Variants in MCU observed in about 807,000 individuals in gnomAD.
The protein encoded by MCU is calcium uniporter protein, mitochondrial.
In MCU, 12 loss-of-function variants were observed where a neutral mutation model predicts 45.2. The observed-to-expected ratio is 0.27, with a 90% CI of 0.17 to 0.43. The LOEUF is 0.43. Ranked by LOEUF, MCU falls within the 20% of genes least tolerant of loss-of-function variation. The probability of loss-of-function intolerance (pLI) is 1.00; values close to 1 mark genes in which losing one functional copy is unlikely to be tolerated. For synonymous variants in MCU, 160 were observed against 165.1 expected (o/e 0.97, Z 0.24); for missense variants, 324 against 436.7 (o/e 0.74, Z 2.30).
chr10:72,881,887 C>A (rs575038346), intron 6 of MCU, among the ~76,000 whole-genome samples: 5 of 152,124 alleles, frequency 3.3e-5, no homozygotes, highest in African/African-American at 1.2e-4. Context: ...ATAGCCCCAA[C>A]GTGGAAACAA....
intron 1 of MCU, among the ~76,000 whole-genome samples, chr10:72,759,181 C>T (rs535847473): frequency 2.6e-5 from 4 of 152,250 alleles, no homozygotes; most frequent in South Asian, 2.1e-4. Flanking sequence ...ACTCCTGTCT[C>T]GAGAGCCTAG....
chr10:72,738,346 T>G (rs1463462098), intron 1 of MCU, among the ~76,000 whole-genome samples: 1 of 152,132 alleles, frequency 6.6e-6, no homozygotes, highest in Admixed American at 6.6e-5. Context: ...AGCAATAAAG[T>G]AAGTATATCC....
chr10:72,850,541 A>T (rs1226679186), intron 2 of MCU, among the ~76,000 whole-genome samples: 1 of 152,236 alleles, frequency 6.6e-6, no homozygotes, highest in Non-Finnish European at 1.5e-5. Flanking sequence ...ACAAGCATTT[A>T]AAAAATATTT....
chr10:72,697,777 T>C (rs529966109), intron 1 of MCU, among the ~76,000 whole-genome samples: 13 of 152,026 alleles, frequency 8.6e-5, no homozygotes, highest in Non-Finnish European at 1.8e-4. Context: ...TTTTATTTTT[T>C]ATTGTTTTGA....
chr10:72,834,015 C>T (rs1844917814), intron 1 of MCU, among the ~76,000 whole-genome samples: 1 of 152,158 alleles, frequency 6.6e-6, no homozygotes, highest in Non-Finnish European at 1.5e-5. Context: ...AGAAAGTTTA[C>T]TTGAGGCCTG....
Position 72,887,288 on chromosome 10 carries a change from A to G in MCU, c.*1466A>G, listed in dbSNP as rs903768204. ...ACTCCAGGTGCCTTGCAAAGGTTGA[A>G]GGCCAGCCAGGATTGCTGCTGCTGC... is the stretch of plus-strand genomic sequence containing the variant. On this transcript the variant is annotated 3_prime_UTR_variant, in exon 8 of 8. Coordinates refer to ENST00000373053, the MANE Select transcript of MCU (RefSeq NM_138357.3). 2 of 152,798 alleles carry G rather than the reference A, an allele frequency of 1.3e-5. No individual in the cohort carries two copies. Among genetic ancestry groups the G allele is most frequent in the Non-Finnish European group, 2.9e-5 (2 of 68,056 alleles). 9.5% of individuals were successfully genotyped at this position (152,798 alleles called of 1,614,324 possible). A position where few individuals can be genotyped will look rare whatever the true frequency, so the allele number is the denominator to read the frequency against.
At chr10:72,807,470 G>T (rs1844469849) in intron 1 of MCU, among the ~76,000 whole-genome samples, 1 of 151,974 alleles carries the variant, frequency 6.6e-6, no homozygotes, top group African/African-American at 2.4e-5. Flanking sequence ...AGTTCAATGA[G>T]TTCTTTTTTT....
At position 72,692,270 on chromosome 10, in the gene MCU, GC is replaced by G; in HGVS notation, c.121del (p.Arg41AlafsTer45). ...TAGCFPGLGVSRHRQQQHHRT... is the reference protein window; with the variant it reads ...TAGCFPGLGVXRHRQQQHHRT... ...GGCTGCTTCCCTGGGCTGGGCGTCA[GC>G]CGCCACCGGCAGCAGCAGCACCACC... On this transcript the variant is annotated frameshift_variant, in exon 1 of 8. Transcript: ENST00000373053. LOFTEE classifies it high-confidence loss of function. 8.1e-7 allele frequency: 1 copy of G among 1,229,510 alleles called. No individual in the cohort carries two copies. Among genetic ancestry groups the G allele is most frequent in the Non-Finnish European group, 1.0e-6 (1 of 983,758 alleles). The allele number at this position is 1,229,510 out of a possible 1,614,324, so 76.2% of individuals were successfully genotyped here. A position where few individuals can be genotyped will look rare whatever the true frequency, so the allele number is the denominator to read the frequency against.
intron 1 of MCU, among the ~76,000 whole-genome samples, chr10:72,754,264 T>C (rs968925079): frequency 1.3e-5 from 2 of 152,200 alleles, no homozygotes; most frequent in African/African-American, 4.8e-5. Flanking sequence ...CTTTGTACTG[T>C]GCACAAACTG....
intron 1 of MCU, among the ~76,000 whole-genome samples, chr10:72,737,337 AATT>A (rs1374372710): frequency 2.0e-5 from 3 of 152,224 alleles, no homozygotes; most frequent in Non-Finnish European, 4.4e-5. Flanking sequence ...TGTTTCAAAA[AATT>A]ATTATTCTGT....
intron 1 of MCU, among the ~76,000 whole-genome samples, chr10:72,793,335 A>C (rs1467893261): frequency 6.6e-6 from 1 of 152,166 alleles, no homozygotes; most frequent in South Asian, 2.1e-4. Flanking sequence ...AGAGAGAGCA[A>C]CCAACAAAAG....
At chr10:72,837,482 A>G (rs141208661) in intron 2 of MCU, among the ~76,000 whole-genome samples, 1 of 152,304 alleles carries the variant, frequency 6.6e-6, no homozygotes, top group Admixed American at 6.5e-5. Flanking sequence ...CCGGTAAGTA[A>G]TAAGTCAAAG....
chr10:72,805,153 TTCTTTCTGTC>T (rs1202566994), intron 1 of MCU, among the ~76,000 whole-genome samples: 3 of 129,632 alleles, frequency 2.3e-5, no homozygotes, highest in Admixed American at 7.5e-5. Context: ...CTTTCTTTCT[TTCTTTCTGTC>T]TCTCTCTCTC....
chr10:72,832,556 C>T (rs561891226), intron 1 of MCU, among the ~76,000 whole-genome samples: 1 of 152,160 alleles, frequency 6.6e-6, no homozygotes, highest in African/African-American at 2.4e-5. Context: ...CAAAGTGCTT[C>T]TCAGAAATAC....
At chr10:72,878,134 T>TTTTTC (rs1845645529) in intron 6 of MCU, among the ~76,000 whole-genome samples, 1 of 146,078 alleles carries the variant, frequency 6.8e-6, no homozygotes, top group South Asian at 2.3e-4. Context: ...TTTTTTTTTT[T>TTTTTC]TTGAGACAGA....
intron 1 of MCU, among the ~76,000 whole-genome samples, chr10:72,822,309 C>G (rs1365016183): frequency 1.3e-5 from 2 of 151,944 alleles, no homozygotes; most frequent in Non-Finnish European, 2.9e-5. Flanking sequence ...GACTACAGAT[C>G]AAGAAAAAGT....
At chr10:72,881,929 T>C (rs1167304316) in intron 6 of MCU, among the ~76,000 whole-genome samples, 1 of 152,084 alleles carries the variant, frequency 6.6e-6, no homozygotes, top group Non-Finnish European at 1.5e-5. Context: ...AATGGATAAA[T>C]AAAATGTGGC....
At position 72,773,866 on chromosome 10, in the gene MCU, T is replaced by A. The variant is rs138493438; in HGVS notation, c.151-60493T>A. ...GGAAAAAACTGCCACCCAAGAATAT[T>A]TTGCAAAATTGTCTTTCAGAAATTA... On this transcript the variant is annotated intron_variant, in intron 1 of 7. Transcript: ENST00000373053. Among the ~76,000 whole-genome samples, 62 of 152,222 alleles carry A rather than the reference T, an allele frequency of 4.1e-4. No individual in the cohort carries two copies. The East Asian group carries it at 0.01, about 25-fold the overall frequency.
chr10:72,810,085 C>T (rs1844516357), intron 1 of MCU, among the ~76,000 whole-genome samples: 1 of 151,662 alleles, frequency 6.6e-6, no homozygotes, highest in South Asian at 2.1e-4. Context: ...CTAGACATGT[C>T]TAAGGTTGGA....
Sources: allele counts gnomAD v4.1 joint callset (sites outside exome capture counted in the v4.1 genomes callset), GRCh38; gene constraint gnomAD v4.1.1; transcripts MANE v1.5; gene names NCBI Gene and HGNC (gene_info 2026-07-23, HGNC 2026-07-21).